NALCN: variants seen among roughly 807,000 people sequenced by gnomAD.
NALCN encodes the protein sodium leak channel NALCN.
A neutral mutation model predicts 225.3 loss-of-function variants in NALCN; 111 were observed. The observed-to-expected ratio is 0.49, with a 90% CI of 0.42 to 0.58. The LOEUF (loss-of-function observed/expected upper bound fraction) is 0.58, where lower values mean the gene tolerates loss of function less well. Ranked by LOEUF, NALCN falls within the 20% of genes least tolerant of loss-of-function variation. The pLI is 0.00. For synonymous variants in NALCN, 764 were observed against 769.0 expected (o/e 0.99, Z 0.11); for missense variants, 1,378 against 2,202.4 (o/e 0.63, Z 7.49).
intron 11 of NALCN, among the ~76,000 whole-genome samples, chr13:101,256,800 G>A (rs2042245503): frequency 7.8e-6 from 1 of 128,552 alleles, no homozygotes. Flanking sequence ...GTCTCACTCT[G>A]TCACCCTGGC....
intron 2 of NALCN, among the ~76,000 whole-genome samples, chr13:101,397,785 A>C (rs148150558): frequency 2.2e-3 from 339 of 152,290 alleles, no homozygotes; most frequent in Non-Finnish European, 3.9e-3. Context: ...ATTTATAGAT[A>C]ACTTTATATT....
intron 15 of NALCN, among the ~76,000 whole-genome samples, chr13:101,150,832 G>A (rs561431754): frequency 6.6e-6 from 1 of 152,234 alleles, no homozygotes; most frequent in East Asian, 1.9e-4. Context: ...AATTGTAAAT[G>A]TCCATTTAAA....
In NALCN at chr13:101,222,805, G is replaced by A. The variant is rs554449504; in HGVS notation, c.1626+6588C>T. ...GGAGCGGGGCTATCTCACAGTTATAGGAACCCCTATCATTAATGGAAAGCT... is the reference window on the plus strand; with the variant it reads ...GGAGCGGGGCTATCTCACAGTTATAAGAACCCCTATCATTAATGGAAAGCT... On this transcript the variant is annotated intron_variant, in intron 13 of 43. Coordinates refer to ENST00000251127, the MANE Select transcript of NALCN (RefSeq NM_052867.4). Among the ~76,000 whole-genome samples the A allele has an allele frequency of 1.4e-4, 21 of 152,244 alleles. No homozygotes were observed. In the South Asian group the frequency reaches 3.9e-3, roughly 29 times the overall value.
chr13:101,253,016 T>C (rs940020292), intron 11 of NALCN, among the ~76,000 whole-genome samples: 7 of 152,022 alleles, frequency 4.6e-5, no homozygotes, highest in Non-Finnish European at 1.0e-4. Flanking sequence ...TTTTATTTCT[T>C]AAGAAAATAA....
intron 10 of NALCN, among the ~76,000 whole-genome samples, chr13:101,264,778 T>A (rs946900761): frequency 6.6e-6 from 1 of 152,208 alleles, no homozygotes; most frequent in African/African-American, 2.4e-5. Context: ...TATGTTGGAC[T>A]ACACTAACAT....
chr13:101,382,727 G>A lies in NALCN; in HGVS notation c.292-4074C>T, dbSNP rs76627427. Among the ~76,000 whole-genome samples, 878 of 152,178 alleles carry A rather than the reference G, an allele frequency of 5.8e-3. 3 individuals are homozygous for A. The highest frequency in any genetic ancestry group is 0.015 in the South Asian group (70 of 4,814). On this transcript the variant is annotated intron_variant, in intron 3 of 43. Transcript: ENST00000251127. ...TCGAACGACCTCAGTTATAAAAACTGGCTTAGCAAAAATTCTACCATGTAA... is the reference window on the plus strand; with the variant it reads ...TCGAACGACCTCAGTTATAAAAACTAGCTTAGCAAAAATTCTACCATGTAA...
chr13:101,191,005 T>C (rs1196976591), intron 14 of NALCN, among the ~76,000 whole-genome samples: 1 of 152,216 alleles, frequency 6.6e-6, no homozygotes, highest in East Asian at 1.9e-4. Context: ...GTATCAGTTT[T>C]ATCATCTGTT....
rs141014212 is a variant in NALCN, at chr13:101,204,760, C to T, written c.1627-12706G>A. ...CTTGGGTTAACTTTTATGTATTATA[C>T]CATAAATGACAGCTGGACAAGGTCA... On this transcript the variant is annotated intron_variant, in intron 13 of 43. Transcript: ENST00000251127. 2.8e-3 allele frequency among the ~76,000 whole-genome samples: 422 copies of T among 152,194 alleles called. 1 individual carries two copies. The highest frequency in any genetic ancestry group is 8.4e-3 in the African/African-American group (349 of 41,550).
intron 6 of NALCN, among the ~76,000 whole-genome samples, chr13:101,350,197 C>T (rs1021941258): frequency 6.6e-6 from 1 of 152,124 alleles, no homozygotes; most frequent in African/African-American, 2.4e-5. Flanking sequence ...AGTGGCAAAC[C>T]TGTAACATGG....
intron 3 of NALCN, among the ~76,000 whole-genome samples, chr13:101,380,591 T>C (rs1202638680): frequency 6.6e-6 from 1 of 152,058 alleles, no homozygotes; most frequent in East Asian, 1.9e-4. Context: ...GCTAGGGAAA[T>C]GAAAATAGAA....
At position 101,056,537 on chromosome 13, in the gene NALCN, C is replaced by T. The variant is rs547091175; in HGVS notation, c.5024-1049G>A. 6.1e-4 allele frequency among the ~76,000 whole-genome samples: 93 copies of T among 152,232 alleles called. 1 individual carries two copies. The highest frequency in any genetic ancestry group is 2.2e-3 in the African/African-American group (90 of 41,534). On this transcript the variant is annotated intron_variant, in intron 43 of 43. Coordinates refer to ENST00000251127, the MANE Select transcript of NALCN (RefSeq NM_052867.4). ...TCGGCCTCCCAAAGTGCTGGGATTA[C>T]AGGGGTGAGCCACTGCGCCTGGCCC... is the stretch of plus-strand genomic sequence containing the variant.
At chr13:101,223,446 A>G (rs990629369) in intron 13 of NALCN, among the ~76,000 whole-genome samples, 2 of 152,116 alleles carry the variant, frequency 1.3e-5, no homozygotes, top group African/African-American at 4.8e-5. Context: ...ACAACCAACA[A>G]ACGAGCCTCT....
chr13:101,099,855 T>C (rs1566811438), intron 27 of NALCN, among the ~76,000 whole-genome samples: 2 of 152,220 alleles, frequency 1.3e-5, no homozygotes, highest in East Asian at 1.9e-4. Context: ...CGGCATAGGA[T>C]AGAAGGCATG....
intron 22 of NALCN, among the ~76,000 whole-genome samples, chr13:101,106,300 T>G (rs1430726528): frequency 3.3e-5 from 5 of 152,164 alleles, no homozygotes; most frequent in African/African-American, 7.2e-5. Flanking sequence ...CATTCTGAGG[T>G]TCTGAGGGTT....
intron 11 of NALCN, among the ~76,000 whole-genome samples, chr13:101,246,541 T>C (rs553367362): frequency 1.3e-5 from 2 of 152,312 alleles, no homozygotes; most frequent in Admixed American, 1.3e-4. Context: ...CAGTATGTTA[T>C]AAAGAGCAAA....
chr13:101,060,070 T>G, intron 41 of NALCN, 103 bp from the exon 42 acceptor site: 1 of 1,324,710 alleles, frequency 7.5e-7, no homozygotes, highest in Non-Finnish European at 1.0e-6. Flanking sequence ...AAGACCTGCA[T>G]GACGGGTGAC....
intron 15 of NALCN, among the ~76,000 whole-genome samples, chr13:101,147,906 T>C (rs975576632): frequency 6.6e-6 from 1 of 152,156 alleles, no homozygotes; most frequent in African/African-American, 2.4e-5. Context: ...TTCCCCTTTC[T>C]TCCTCTTTTT....
intron 15 of NALCN, among the ~76,000 whole-genome samples, chr13:101,152,250 G>A (rs1042481696): frequency 2.0e-5 from 3 of 152,168 alleles, no homozygotes; most frequent in African/African-American, 7.2e-5. Flanking sequence ...TTAACTGCAT[G>A]TGCTGTATCC....
intron 11 of NALCN, among the ~76,000 whole-genome samples, chr13:101,245,770 C>T (rs1375711523): frequency 4.6e-5 from 7 of 152,168 alleles, no homozygotes; most frequent in Non-Finnish European, 8.8e-5. Flanking sequence ...GCCTGAGTAG[C>T]AAAAGGACCA....
Sources: gnomAD v4.1 joint callset for allele counts (sites outside exome capture counted in the v4.1 genomes callset) on GRCh38, gnomAD v4.1.1 for gene constraint, MANE v1.5 for transcripts, NCBI Gene and HGNC (gene_info 2026-07-23, HGNC 2026-07-21) for gene names.